CSMD1: variants seen among roughly 807,000 people sequenced by gnomAD.
CSMD1 encodes CUB and Sushi multiple domains 1, also known as CUB and sushi domain-containing protein 1.
Under a neutral mutation model 417.5 loss-of-function variants are expected in CSMD1, and 213 were observed. That is an observed-to-expected ratio of 0.51 (90% CI 0.46 to 0.57). The LOEUF (loss-of-function observed/expected upper bound fraction) is 0.57. Ranked by LOEUF, CSMD1 falls within the 20% of genes least tolerant of loss-of-function variation. The pLI, the probability that CSMD1 is intolerant of heterozygous loss-of-function variation, is 0.00. For synonymous variants in CSMD1, 2,862 were observed against 1,736.8 expected, an observed-to-expected ratio of 1.65 and a Z score of -16.11; for missense variants, 6,923 against 4,529.7, an observed-to-expected ratio of 1.53 and a Z score of -15.17.
intron 2 of CSMD1, among the ~76,000 whole-genome samples, chr8:4,541,466 C>T (rs1328446359): frequency 6.6e-6 from 1 of 152,138 alleles, no homozygotes; most frequent in Non-Finnish European, 1.5e-5. Flanking sequence ...TATCAAAAAT[C>T]GGTAGGCGTC....
chr8:3,435,574 G>C (rs979903844), intron 12 of CSMD1, among the ~76,000 whole-genome samples: 1 of 151,994 alleles, frequency 6.6e-6, no homozygotes, highest in East Asian at 1.9e-4. Flanking sequence ...AGCACATCTC[G>C]TCATGTCTGT....
chr8:3,707,100 T>A (rs1801213241), intron 7 of CSMD1, among the ~76,000 whole-genome samples: 1 of 152,118 alleles, frequency 6.6e-6, no homozygotes, highest in Non-Finnish European at 1.5e-5. Flanking sequence ...TACCTCTCTG[T>A]CCTCTCAACC....
chr8:4,128,193 C>T (rs1001776737), intron 3 of CSMD1, among the ~76,000 whole-genome samples: 2 of 152,064 alleles, frequency 1.3e-5, no homozygotes, highest in African/African-American at 2.4e-5. Context: ...GGAAAAAGTG[C>T]CCTGAGAAAA....
chr8:3,436,971 G>C (rs1814606361), intron 12 of CSMD1, among the ~76,000 whole-genome samples: 1 of 152,130 alleles, frequency 6.6e-6, no homozygotes. Flanking sequence ...AAAAAAGCAT[G>C]CAAGAAGCAG....
chr8:4,634,693 G>A (rs1195768145), intron 2 of CSMD1, among the ~76,000 whole-genome samples: 1 of 152,130 alleles, frequency 6.6e-6, no homozygotes, highest in African/African-American at 2.4e-5. Flanking sequence ...GGCATAATGG[G>A]AAACGAATAG....
intron 18 of CSMD1, among the ~76,000 whole-genome samples, chr8:3,379,108 C>G (rs1810482364): frequency 6.6e-6 from 1 of 152,102 alleles, no homozygotes; most frequent in African/African-American, 2.4e-5. Flanking sequence ...AAATAATAGA[C>G]AAACAGAGAG....
At chr8:3,808,084 T>C (rs1800849783) in intron 5 of CSMD1, among the ~76,000 whole-genome samples, 1 of 152,170 alleles carries the variant, frequency 6.6e-6, no homozygotes, top group Non-Finnish European at 1.5e-5. Flanking sequence ...AATGGTTTGA[T>C]TATAGAAGAC....
intron 8 of CSMD1, among the ~76,000 whole-genome samples, chr8:3,605,399 T>C (rs2117102487): frequency 6.6e-6 from 1 of 152,330 alleles, no homozygotes; most frequent in Non-Finnish European, 1.5e-5. Context: ...GCCTCTGCTC[T>C]CGCTGGAGTT....
rs1249829685 is a variant in CSMD1, at chr8:4,873,808, C to T, written c.85+120524G>A. Among the ~76,000 whole-genome samples the T allele has an allele frequency of 1.3e-5, 2 of 151,944 alleles. 1 individual carries two copies. Among genetic ancestry groups the T allele is most frequent in the African/African-American group, 4.8e-5 (2 of 41,304 alleles). On this transcript the variant is annotated intron_variant, in intron 1 of 69. Transcript: ENST00000635120. Reference sequence around the variant, plus strand: ...TTTGAAGCTGGAATCAACATAAAGGCCATTTCTTATAAGTTGTTTTATATT... The same window carrying T: ...TTTGAAGCTGGAATCAACATAAAGGTCATTTCTTATAAGTTGTTTTATATT...
chr8:4,098,985 A>G (rs116745635), intron 3 of CSMD1, among the ~76,000 whole-genome samples: 1 of 152,186 alleles, frequency 6.6e-6, no homozygotes, highest in African/African-American at 2.4e-5. Context: ...AAGAATACAC[A>G]TGAACTCTCT....
intron 30 of CSMD1, among the ~76,000 whole-genome samples, chr8:3,209,239 C>A (rs1185896927): frequency 6.6e-6 from 1 of 152,064 alleles, no homozygotes; most frequent in African/African-American, 2.4e-5. Context: ...CATACATGAA[C>A]AACATTTGTG....
intron 2 of CSMD1, among the ~76,000 whole-genome samples, chr8:4,621,177 T>TATAAATAATGAG (rs1459259441): frequency 1.8e-4 from 27 of 152,082 alleles, no homozygotes; most frequent in Admixed American, 5.9e-4. Context: ...TATGCAGACC[T>TATAAATAATGAG]ATAAATAATG....
At chr8:4,590,727 G>T (rs1202709946) in intron 2 of CSMD1, among the ~76,000 whole-genome samples, 1 of 152,062 alleles carries the variant, frequency 6.6e-6, no homozygotes, top group Non-Finnish European at 1.5e-5. Flanking sequence ...GTTGTTTGTT[G>T]CTTTTATGCT....
At chr8:3,556,415 T>TATATATATATATATATATATATACACATA (rs1799148435) in intron 10 of CSMD1, among the ~76,000 whole-genome samples, 7 of 57,098 alleles carry the variant, frequency 1.2e-4, no homozygotes, top group African/African-American at 4.4e-4. Flanking sequence ...ATATATATAT[T>TATATATATATATATATATATATACACATA]CACACACACA....
At position 3,915,833 on chromosome 8, in the gene CSMD1, T is replaced by C. The variant is rs1233448526; in HGVS notation, c.818+82070A>G. 2.0e-5 allele frequency among the ~76,000 whole-genome samples: 3 copies of C among 147,144 alleles called. No individual in the cohort carries two copies. The East Asian group carries it at 6.0e-4, about 29-fold the overall frequency. On this transcript the variant is annotated intron_variant, in intron 5 of 69. Transcript: ENST00000635120. ...CTAGTATGCATTTTGGGGTTTAACATTTTACATATCACCCCAACTAGAAAC... is the reference window on the plus strand; with the variant it reads ...CTAGTATGCATTTTGGGGTTTAACACTTTACATATCACCCCAACTAGAAAC...
At position 3,439,154 on chromosome 8, in the gene CSMD1, C is replaced by CAAAAAAAAAAAAAAAAAA. The variant is rs1563390150; in HGVS notation, c.1562-29550_1562-29549insTTTTTTTTTTTTTTTTTT. 7.3e-3 allele frequency among the ~76,000 whole-genome samples: 195 copies of CAAAAAAAAAAAAAAAAAA among 26,582 alleles called. 30 individuals are homozygous for CAAAAAAAAAAAAAAAAAA. Among genetic ancestry groups the CAAAAAAAAAAAAAAAAAA allele is most frequent in the African/African-American group, 0.012 (71 of 5,686 alleles). The allele number at this position is 26,582 out of a possible 152,430, so 17.4% of individuals were successfully genotyped here. ...AAAAAAAAAAAAAAAAAAAAAAAACCAAGAAAAAAAAAAGAAAAAGAAAAA... is the reference window on the plus strand; with the variant it reads ...AAAAAAAAAAAAAAAAAAAAAAAACCAAAAAAAAAAAAAAAAAAAAGAAAAAAAAAAGAAAAAGAAAAA... On this transcript the variant is annotated intron_variant, in intron 12 of 69. Transcript: ENST00000635120.
chr8:4,689,329 G>A (rs1196759103), intron 1 of CSMD1, among the ~76,000 whole-genome samples: 1 of 152,114 alleles, frequency 6.6e-6, no homozygotes, highest in East Asian at 1.9e-4. Flanking sequence ...TCAAATACTT[G>A]ATCTTCATAA....
At chr8:4,299,694 G>A (rs11136718) in intron 3 of CSMD1, among the ~76,000 whole-genome samples, 49,015 of 151,902 alleles carry the variant, frequency 0.32, 8,650 homozygotes, top group South Asian at 0.52. Context: ...ATGCAGTGGC[G>A]ATCTTGGCTC....
intron 50 of CSMD1, among the ~76,000 whole-genome samples, chr8:3,034,939 G>A (rs1810575094): frequency 6.6e-6 from 1 of 152,166 alleles, no homozygotes; most frequent in Admixed American, 6.6e-5. Context: ...AGAAAGGGAA[G>A]GAGGGCCTCG....
Sources: allele counts gnomAD v4.1 joint callset (sites outside exome capture counted in the v4.1 genomes callset), GRCh38; gene constraint gnomAD v4.1.1; transcripts MANE v1.5; gene names NCBI Gene and HGNC (gene_info 2026-07-23, HGNC 2026-07-21).